The following SPOCK1 variants were observed in gnomAD, a reference collection of about 807,000 sequenced individuals.
SPOCK1 encodes testican-1.
SPOCK1 carries 23 observed loss-of-function variants against 55.3 expected under a neutral mutation model. The observed-to-expected ratio is 0.42, with a 90% confidence interval of 0.30 to 0.59. The LOEUF is 0.59. Among genes scored for constraint, SPOCK1 ranks in the 20% least tolerant of loss-of-function variants. The pLI is 0.22. For missense variants in SPOCK1, 499 were observed against 552.5 expected (o/e 0.90, Z 0.97); for synonymous variants, 226 against 221.0 (o/e 1.02, Z -0.20).
chr5:137,156,416 T>C (rs1217470581), intron 3 of SPOCK1, among the ~76,000 whole-genome samples: 2 of 152,072 alleles, frequency 1.3e-5, no homozygotes, highest in Admixed American at 6.5e-5. Flanking sequence ...TGAGAACACA[T>C]CGCCATAGCA....
At chr5:137,389,722 C>T (rs1751675150) in intron 2 of SPOCK1, among the ~76,000 whole-genome samples, 1 of 152,198 alleles carries the variant, frequency 6.6e-6, no homozygotes, top group African/African-American at 2.4e-5. Context: ...GAATCAAGTC[C>T]CTCATGGTTG....
chr5:137,380,131 C>T (rs765492637), intron 2 of SPOCK1, among the ~76,000 whole-genome samples: 21 of 152,216 alleles, frequency 1.4e-4, no homozygotes, highest in Admixed American at 5.2e-4. Flanking sequence ...GTGTGTGAAT[C>T]ACGCTCCATC....
At chr5:137,415,448 C>A (rs1374586874) in intron 2 of SPOCK1, among the ~76,000 whole-genome samples, 1 of 152,182 alleles carries the variant, frequency 6.6e-6, no homozygotes, top group Non-Finnish European at 1.5e-5. Flanking sequence ...GGGACATGCA[C>A]CCAAAGGTGG....
intron 6 of SPOCK1, among the ~76,000 whole-genome samples, chr5:137,060,951 G>A (rs141402827): frequency 2.0e-5 from 3 of 152,162 alleles, no homozygotes; most frequent in Admixed American, 1.3e-4. Context: ...CTTCTTTGAT[G>A]CAGTTGCCAA....
chr5:137,421,834 G>A (rs1221428792), intron 2 of SPOCK1, among the ~76,000 whole-genome samples: 1 of 152,166 alleles, frequency 6.6e-6, no homozygotes, highest in Non-Finnish European at 1.5e-5. Flanking sequence ...ATTTGATCCT[G>A]TCGTTATGAT....
rs185272152 is a variant in SPOCK1, at chr5:136,977,740, G to A, written c.*914C>T. 2.5e-5 allele frequency: 10 copies of A among 398,900 alleles called. No individual in the cohort carries two copies. In the Admixed American group the frequency reaches 3.5e-4, roughly 14 times the overall value. The allele number at this position is 398,900 out of a possible 1,614,324, so 24.7% of individuals were successfully genotyped here. A position where few individuals can be genotyped will look rare whatever the true frequency, so the allele number is the denominator to read the frequency against. On this transcript the variant is annotated 3_prime_UTR_variant, in exon 11 of 11. Coordinates refer to ENST00000394945, the MANE Select transcript of SPOCK1 (RefSeq NM_004598.4). ...GAGAAAAGTGATTTAGGCAGACGGA[G>A]GTTTTTTCTCAATCAGAGGCTTTCA...
rs143974616 is a variant in SPOCK1 at position 137,112,842 on chromosome 5, G to GAAAA, written c.348-285_348-282dup. Among the ~76,000 whole-genome samples the GAAAA allele has an allele frequency of 1.4e-5, 2 of 140,234 alleles. 1 individual carries two copies. 92.0% of individuals were successfully genotyped at this position (140,234 alleles called of 152,430 possible). A position where few individuals can be genotyped will look rare whatever the true frequency, so the allele number is the denominator to read the frequency against. ...CATGGGAAGATTTTTACAACACACAGAAAAAAAAAGAAAAAAAACGGTGAG... is the reference window on the plus strand; with the variant it reads ...CATGGGAAGATTTTTACAACACACAGAAAAAAAAAAAAAGAAAAAAAACGGTGAG... On this transcript the variant is annotated intron_variant, in intron 4 of 10. Coordinates refer to ENST00000394945, the MANE Select transcript of SPOCK1 (RefSeq NM_004598.4).
intron 2 of SPOCK1, among the ~76,000 whole-genome samples, chr5:137,360,407 GACAGGATCCGGGATCT>G (rs1463813858): frequency 6.6e-6 from 1 of 152,208 alleles, no homozygotes; most frequent in Non-Finnish European, 1.5e-5. Context: ...CCAGAAGGCA[GACAGGATCCGGGATCT>G]CACAACAGTG....
intron 6 of SPOCK1, among the ~76,000 whole-genome samples, chr5:137,038,089 T>C (rs958747167): frequency 6.6e-6 from 1 of 152,154 alleles, no homozygotes; most frequent in Admixed American, 6.5e-5. Flanking sequence ...TGGGGGAACA[T>C]GAAGCAAAAG....
rs117496884 is a variant in SPOCK1 at position 137,260,444 on chromosome 5, A to G, written c.232+6566T>C. On this transcript the variant is annotated intron_variant, in intron 3 of 10. Transcript: ENST00000394945. ...TGGAATAAACAGATTAGAGAGGGAAACATTAATTTCTATTGTAAAATATAT... is the reference window on the plus strand; with the variant it reads ...TGGAATAAACAGATTAGAGAGGGAAGCATTAATTTCTATTGTAAAATATAT... 1.5e-3 allele frequency among the ~76,000 whole-genome samples: 229 copies of G among 152,368 alleles called. 4 individuals carry two copies. In the East Asian group the frequency reaches 0.041, roughly 27 times the overall value.
At chr5:137,319,095 G>T (rs1757934942) in intron 2 of SPOCK1, among the ~76,000 whole-genome samples, 1 of 152,174 alleles carries the variant, frequency 6.6e-6, no homozygotes. Flanking sequence ...TCTGCCCTCA[G>T]AGAAAAGAGG....
chr5:137,430,408 C>T (rs1752718986), intron 2 of SPOCK1, among the ~76,000 whole-genome samples: 1 of 152,204 alleles, frequency 6.6e-6, no homozygotes, highest in Non-Finnish European at 1.5e-5. Flanking sequence ...TTTTCTACCA[C>T]TGGCATATTA....
At chr5:137,329,408 A>G (rs960464411) in intron 2 of SPOCK1, among the ~76,000 whole-genome samples, 1 of 152,002 alleles carries the variant, frequency 6.6e-6, no homozygotes, top group Non-Finnish European at 1.5e-5. Flanking sequence ...CTATCTGTCT[A>G]TATCTCCTAA....
At chr5:137,018,905 G>A (rs1751506051) in intron 6 of SPOCK1, among the ~76,000 whole-genome samples, 1 of 152,104 alleles carries the variant, frequency 6.6e-6, no homozygotes, top group Non-Finnish European at 1.5e-5. Flanking sequence ...CAAATCAATA[G>A]CAAGACCATT....
chr5:137,164,233 T>C (rs1004608395), intron 3 of SPOCK1, among the ~76,000 whole-genome samples: 1 of 152,188 alleles, frequency 6.6e-6, no homozygotes, highest in African/African-American at 2.4e-5. Flanking sequence ...GTCTTTTTTT[T>C]TTCTTATCCC....
intron 2 of SPOCK1, among the ~76,000 whole-genome samples, chr5:137,276,199 T>C (rs1034216221): frequency 6.6e-6 from 1 of 152,236 alleles, no homozygotes; most frequent in African/African-American, 2.4e-5. Context: ...GAACTACGTT[T>C]TAATCCTGCA....
chr5:137,193,910 T>C (rs888248064), intron 3 of SPOCK1, among the ~76,000 whole-genome samples: 1 of 152,090 alleles, frequency 6.6e-6, no homozygotes, highest in African/African-American at 2.4e-5. Flanking sequence ...TAAGGATATG[T>C]TAGGAAAGGC....
chr5:137,050,376 A>C, intron 6 of SPOCK1, among the ~76,000 whole-genome samples: 5 of 144,278 alleles, frequency 3.5e-5, no homozygotes, highest in African/African-American at 1.3e-4. Flanking sequence ...TGAAAAGCGC[A>C]ATATTCGGGT....
chr5:137,302,598 A>G (rs1475949902), intron 2 of SPOCK1, among the ~76,000 whole-genome samples: 1 of 150,866 alleles, frequency 6.6e-6, no homozygotes, highest in East Asian at 1.9e-4. Context: ...AAATAAATAA[A>G]TAAATAAATA....
Sources: allele counts gnomAD v4.1 joint callset (sites outside exome capture counted in the v4.1 genomes callset), GRCh38; gene constraint gnomAD v4.1.1; transcripts MANE v1.5; gene names NCBI Gene and HGNC (gene_info 2026-07-23, HGNC 2026-07-21).